ARID1B: variants seen among roughly 807,000 people sequenced by gnomAD.
ARID1B encodes AT-rich interaction domain 1B.
Under a neutral mutation model 212.3 loss-of-function variants are expected in ARID1B, and 30 were observed. That is an observed-to-expected ratio of 0.14 (90% CI 0.11 to 0.19). ARID1B has a LOEUF of 0.19. Among genes scored for constraint, ARID1B ranks in the 10% least tolerant of loss-of-function variants. The pLI is 1.00. For synonymous variants in ARID1B, 1,402 were observed against 1,301.7 expected (o/e 1.08, Z -1.66); for missense variants, 2,891 against 3,204.0 (o/e 0.90, Z 2.36).
At chr6:157,163,465 T>C (rs1347415754) in intron 8 of ARID1B, among the ~76,000 whole-genome samples, 1 of 152,076 alleles carries the variant, frequency 6.6e-6, no homozygotes, top group Non-Finnish European at 1.5e-5. Flanking sequence ...CCATGTTGCT[T>C]GTTCAAAATT....
At chr6:156,801,550 C>G (rs1780788962) in intron 1 of ARID1B, among the ~76,000 whole-genome samples, 2 of 152,048 alleles carry the variant, frequency 1.3e-5, no homozygotes, top group Admixed American at 1.3e-4. Flanking sequence ...TTGCAGTTAT[C>G]TAAACTTTAA....
At chr6:156,862,809 G>A (rs184143848) in intron 2 of ARID1B, among the ~76,000 whole-genome samples, 22 of 152,330 alleles carry the variant, frequency 1.4e-4, no homozygotes, top group Admixed American at 4.6e-4. Flanking sequence ...CCCTGGCAGC[G>A]GAAAGTCATG....
chr6:156,831,289 C>T (rs972697455), intron 2 of ARID1B, among the ~76,000 whole-genome samples: 1 of 152,196 alleles, frequency 6.6e-6, no homozygotes, highest in Non-Finnish European at 1.5e-5. Context: ...GCTTTGGCCA[C>T]AGGAAGAGAG....
intron 5 of ARID1B, among the ~76,000 whole-genome samples, chr6:157,095,600 G>A (rs1785563407): frequency 6.6e-6 from 1 of 152,204 alleles, no homozygotes; most frequent in Non-Finnish European, 1.5e-5. Context: ...TTTCTCACAG[G>A]AAAGTTGAGG....
chr6:156,967,609 C>G (rs2128338298), intron 4 of ARID1B, among the ~76,000 whole-genome samples: 1 of 152,170 alleles, frequency 6.6e-6, no homozygotes, highest in Non-Finnish European at 1.5e-5. Flanking sequence ...TTAATTTGCC[C>G]TATATATTCA....
chr6:157,198,770 G>A, intron 16 of ARID1B, 41 bp from the exon 17 acceptor site: 1 of 1,517,602 alleles, frequency 6.6e-7, no homozygotes, highest in Non-Finnish European at 9.1e-7. Context: ...TTTGCCTGAA[G>A]CTTTTTCTCA....
intron 4 of ARID1B, among the ~76,000 whole-genome samples, chr6:156,987,401 G>A (rs1407243618): frequency 6.6e-6 from 1 of 150,442 alleles, no homozygotes; most frequent in African/African-American, 2.5e-5. Context: ...CACGATGTCC[G>A]CTCACTGCAA....
At chr6:156,888,092 T>A (rs185634797) in intron 2 of ARID1B, among the ~76,000 whole-genome samples, 1 of 152,342 alleles carries the variant, frequency 6.6e-6, no homozygotes, top group Non-Finnish European at 1.5e-5. Context: ...GGTTACAAAG[T>A]TGACATTGCA....
rs148691766 is a variant in ARID1B, at chr6:157,028,751, G to A, written c.2248-55911G>A. 8.7e-3 allele frequency among the ~76,000 whole-genome samples: 1,321 copies of A among 152,224 alleles called. 26 individuals carry two copies. The highest frequency in any genetic ancestry group is 0.031 in the African/African-American group (1,276 of 41,520). ...TCTCAAGAAAATTATTTATGGAAAA[G>A]GTATGGTACTGTGACCACATAAGCC... On this transcript the variant is annotated intron_variant, in intron 4 of 19. Transcript: ENST00000636930.
At chr6:156,912,133 A>G (rs1290715035) in intron 3 of ARID1B, among the ~76,000 whole-genome samples, 2 of 152,180 alleles carry the variant, frequency 1.3e-5, no homozygotes. Context: ...GTTACCCATT[A>G]TACAATGTAA....
chr6:157,163,146 C>A (rs946999349), intron 8 of ARID1B, among the ~76,000 whole-genome samples: 4 of 152,148 alleles, frequency 2.6e-5, no homozygotes, highest in African/African-American at 4.8e-5. Context: ...TCATTTGGAG[C>A]CGTCCAAATG....
rs149098680 is a variant in ARID1B at position 156,914,914 on chromosome 6, A to G, written c.2136+13389A>G. 2.0e-3 allele frequency among the ~76,000 whole-genome samples: 306 copies of G among 152,054 alleles called. 1 individual carries two copies. Among genetic ancestry groups the G allele is most frequent in the African/African-American group, 6.5e-3 (269 of 41,454 alleles). On this transcript the variant is annotated intron_variant, in intron 3 of 19. Coordinates refer to ENST00000636930, the MANE Select transcript of ARID1B (RefSeq NM_001374828.1). ...CTTTTTTTTTCTTTTTTTCCAAATA[A>G]TGTGTGTGGTTTCACCTTAAGAAAA...
intron 4 of ARID1B, among the ~76,000 whole-genome samples, chr6:157,014,617 A>G (rs1779799561): frequency 6.6e-6 from 1 of 152,226 alleles, no homozygotes; most frequent in African/African-American, 2.4e-5. Context: ...TACAGCTACT[A>G]GGCTTTATAG....
Position 156,778,515 on chromosome 6 carries a change from G to A in ARID1B, c.835G>A (p.Ala279Thr), listed in dbSNP as rs2114976934. 8.1e-7 allele frequency: 1 copy of A among 1,235,916 alleles called. No homozygotes were observed. Among genetic ancestry groups the A allele is most frequent in the Non-Finnish European group, 1.0e-6 (1 of 992,752 alleles). The allele number at this position is 1,235,916 out of a possible 1,614,324, so 76.6% of individuals were successfully genotyped here. ...CGCGCCGCCCAAGATGGGGGAGCCG[G>A]CGGGCGGCCGCTACGAGCACCCGGG... ...DDAPPKMGEPAGGRYEHPGLG... is the reference protein window; with the variant it reads ...DDAPPKMGEPTGGRYEHPGLG... The change falls in exon 1 of 20, where the codon GCG becomes ACG. Residue 279 changes from alanine to threonine, a missense_variant. Physicochemically the swap from Ala to Thr is moderately conservative, Grantham distance 58 (BLOSUM62 0). Transcript: ENST00000636930.
intron 3 of ARID1B, among the ~76,000 whole-genome samples, chr6:156,933,808 A>T (rs967496998): frequency 2.0e-5 from 3 of 152,134 alleles, no homozygotes; most frequent in Admixed American, 2.0e-4. Context: ...TAAAGGGAAG[A>T]AGGGCTACAT....
chr6:157,060,630 CTTTTTTTTTTTTTTT>C (rs56870548), intron 4 of ARID1B, among the ~76,000 whole-genome samples: 1 of 72,044 alleles, frequency 1.4e-5, no homozygotes, highest in Non-Finnish European at 2.4e-5. Flanking sequence ...AAAATCTGAA[CTTTTTTTTTTTTTTT>C]TTTTTTTTTT....
rs1347051510 is a variant in ARID1B, at chr6:157,210,683, A to T, written c.*2792A>T. On this transcript the variant is annotated 3_prime_UTR_variant, in exon 20 of 20. Coordinates refer to ENST00000636930, the MANE Select transcript of ARID1B (RefSeq NM_001374828.1). ...ATGAGGCTTTTCAGAAATTTACAGG[A>T]TGCCCAGACTTTACATGTGTACCAA... is the stretch of plus-strand genomic sequence containing the variant. The T allele has an allele frequency of 4.4e-6, 1 of 228,304 alleles. No individual in the cohort carries two copies. The highest frequency in any genetic ancestry group is 2.3e-5 in the African/African-American group (1 of 44,258). The allele number at this position is 228,304 out of a possible 1,614,324, so 14.1% of individuals were successfully genotyped here.
intron 4 of ARID1B, among the ~76,000 whole-genome samples, chr6:157,055,450 A>G: frequency 6.6e-6 from 1 of 152,108 alleles, no homozygotes; most frequent in East Asian, 1.9e-4. Context: ...CCCAAATATC[A>G]CCTTAAATTT....
At chr6:157,000,479 A>C (rs1038877346) in intron 4 of ARID1B, among the ~76,000 whole-genome samples, 1 of 152,212 alleles carries the variant, frequency 6.6e-6, no homozygotes, top group Non-Finnish European at 1.5e-5. Flanking sequence ...GAAATATTGT[A>C]AAATACTGTG....
Sources: gnomAD v4.1 joint callset for allele counts (sites outside exome capture counted in the v4.1 genomes callset) on GRCh38, gnomAD v4.1.1 for gene constraint, MANE v1.5 for transcripts, NCBI Gene and HGNC (gene_info 2026-07-23, HGNC 2026-07-21) for gene names.